TSHZ1: variants seen among roughly 807,000 people sequenced by gnomAD.
TSHZ1 encodes the protein teashirt homolog 1.
TSHZ1 carries 12 observed loss-of-function variants against 67.1 expected under a neutral mutation model. That is an observed-to-expected ratio of 0.18 (90% CI 0.11 to 0.29). The LOEUF is 0.29. TSHZ1 is among the 10% of genes least tolerant of loss of function. TSHZ1 has a pLI of 1.00. For missense variants in TSHZ1, 1,305 were observed against 1,413.9 expected, an observed-to-expected ratio of 0.92 and a Z score of 1.23; for synonymous variants, 632 against 622.4, an observed-to-expected ratio of 1.02 and a Z score of -0.23.
chr18:75,281,252 C>T lies in TSHZ1; in HGVS notation c.41-4196C>T, dbSNP rs116884723. Among the ~76,000 whole-genome samples the T allele has an allele frequency of 0.018, 2,748 of 152,234 alleles. 46 individuals are homozygous for T. Among genetic ancestry groups the T allele is most frequent in the Middle Eastern group, 0.051 (15 of 294 alleles). ...CCAGTTTGGATGCGGGGCCTGAGGA[C>T]CAGGAGGCTTTGAGGATGGCGCTGC... On this transcript the variant is annotated intron_variant, in intron 1 of 1. Coordinates refer to ENST00000580243, the MANE Select transcript of TSHZ1 (RefSeq NM_001308210.2). The surrounding 1 kb of genome is among the most constrained non-coding windows in gnomAD (Gnocchi z 5.3).
rs115433748 is a variant in TSHZ1, at chr18:75,215,487, C to T, written c.40+3571C>T. ...AACTGATATTGAGAAAAAGCTTAAA[C>T]GGTGGATATCTCAAATTTTGTCAAG... is the stretch of plus-strand genomic sequence containing the variant. On this transcript the variant is annotated intron_variant, in intron 1 of 1. Transcript: ENST00000580243. Among the ~76,000 whole-genome samples, 1,494 of 152,226 alleles carry T rather than the reference C, an allele frequency of 9.8e-3. 37 individuals carry two copies. The highest frequency in any genetic ancestry group is 0.035 in the African/African-American group (1,453 of 41,510).
chr18:75,245,163 A>G (rs1161638462), intron 1 of TSHZ1: 1 of 152,230 alleles, frequency 6.6e-6, no homozygotes, highest in African/African-American at 2.4e-5. Flanking sequence ...CAAAAGGACT[A>G]TTGCACAAAT....
At chr18:75,212,945 G>A (rs1447392399) in intron 1 of TSHZ1, among the ~76,000 whole-genome samples, 6 of 152,156 alleles carry the variant, frequency 3.9e-5, no homozygotes, top group Admixed American at 1.3e-4. Context: ...GTGAGTTATC[G>A]CTAAATAATA....
chr18:75,237,590 A>G (rs1453215306), intron 1 of TSHZ1, among the ~76,000 whole-genome samples: 1 of 152,170 alleles, frequency 6.6e-6, no homozygotes, highest in Non-Finnish European at 1.5e-5. Flanking sequence ...ATATATACAC[A>G]CAGGCAAACA....
chr18:75,260,423 T>C (rs971270747), intron 1 of TSHZ1, among the ~76,000 whole-genome samples: 12 of 152,248 alleles, frequency 7.9e-5, no homozygotes, highest in African/African-American at 2.9e-4. Context: ...ACAGTCTTCA[T>C]CTTGTATTCC....
chr18:75,283,784 G>A (rs762271903), intron 1 of TSHZ1: 7 of 152,326 alleles, frequency 4.6e-5, no homozygotes, highest in Non-Finnish European at 8.8e-5. Context: ...GCTGCTGCTA[G>A]AATCTGAAGC....
At chr18:75,266,228 C>G (rs567627670) in intron 1 of TSHZ1, among the ~76,000 whole-genome samples, 5 of 152,158 alleles carry the variant, frequency 3.3e-5, no homozygotes, top group African/African-American at 9.7e-5. Flanking sequence ...ACTTAGCTGT[C>G]GAAGTCAACT....
chr18:75,227,571 G>GT lies in TSHZ1; in HGVS notation c.40+15662dup, dbSNP rs200143864. 4.3e-3 allele frequency among the ~76,000 whole-genome samples: 656 copies of GT among 152,242 alleles called. 2 individuals are homozygous for GT. Among genetic ancestry groups the GT allele is most frequent in the African/African-American group, 0.015 (617 of 41,550 alleles). On this transcript the variant is annotated intron_variant, in intron 1 of 1. Coordinates refer to ENST00000580243, the MANE Select transcript of TSHZ1 (RefSeq NM_001308210.2). ...ATAAAAGCATTTGGCTAAAATAAAT[G>GT]TTTTTTTCTCTTGAAGAGTAGAGTT...
At chr18:75,270,123 G>T (rs73971570) in intron 1 of TSHZ1, among the ~76,000 whole-genome samples, 1 of 152,164 alleles carries the variant, frequency 6.6e-6, no homozygotes, top group Non-Finnish European at 1.5e-5. Context: ...GGCCCATTGC[G>T]GCATTATGAT....
At chr18:75,214,419 G>A (rs2022740364) in intron 1 of TSHZ1, among the ~76,000 whole-genome samples, 2 of 152,200 alleles carry the variant, frequency 1.3e-5, no homozygotes, top group South Asian at 4.1e-4. Flanking sequence ...TGCATTGGTA[G>A]CAAATATTAT....
intron 1 of TSHZ1, among the ~76,000 whole-genome samples, chr18:75,258,174 G>A (rs371295474): frequency 6.6e-6 from 1 of 152,174 alleles, no homozygotes; most frequent in East Asian, 1.9e-4. Flanking sequence ...CCCTTCCTCT[G>A]TGCTCCTCCA....
chr18:75,237,958 C>A (rs147180844), intron 1 of TSHZ1, among the ~76,000 whole-genome samples: 2,256 of 152,100 alleles, frequency 0.015, 18 homozygotes, highest in South Asian at 0.029. Context: ...GATTACAGGC[C>A]TGTGCCACCA....
intron 1 of TSHZ1, among the ~76,000 whole-genome samples, chr18:75,279,068 G>GCCC (rs1233460574): frequency 6.6e-6 from 1 of 152,140 alleles, no homozygotes; most frequent in Non-Finnish European, 1.5e-5. Context: ...CAGCCTCAGG[G>GCCC]CCCCTGGCCT....
At chr18:75,273,996 T>A (rs2023586504) in intron 1 of TSHZ1, among the ~76,000 whole-genome samples, 1 of 152,132 alleles carries the variant, frequency 6.6e-6, no homozygotes, top group Admixed American at 6.5e-5. Context: ...CACACATGCA[T>A]GCGCGTGAAG....
rs143847918 is a variant in TSHZ1 at position 75,285,629 on chromosome 18, C to T, written c.222C>T (p.Tyr74=). Residue 74 remains tyrosine, a synonymous_variant, in exon 2 of 2, where the codon TAC becomes TAT. Transcript: ENST00000580243. ...CTGCGACTAACCAGGACGCCGGCTA[C>T]GGGTCGCCCTTCAGTGAGAGCAGCG... ...VSSATNQDAG[Y]GSPFSESSDQ... The T allele has an allele frequency of 1.1e-5, 17 of 1,613,398 alleles. No homozygotes were observed. Among genetic ancestry groups the T allele is most frequent in the South Asian group, 5.5e-5 (5 of 91,036 alleles).
intron 1 of TSHZ1, among the ~76,000 whole-genome samples, chr18:75,262,851 A>G (rs576831386): frequency 1.3e-5 from 2 of 152,306 alleles, no homozygotes; most frequent in East Asian, 1.9e-4. Context: ...TGCCCTGTAC[A>G]TGGCATTGTG....
intron 1 of TSHZ1, 52 bp from the exon 2 acceptor site, chr18:75,285,396 C>G (rs73482001): frequency 0.31 from 442,561 of 1,412,848 alleles, 71,862 homozygotes; most frequent in Middle Eastern, 0.35. Flanking sequence ...GGGAGGCTGT[C>G]TCTTTGAAGA....
At chr18:75,222,705 A>G (rs1430037426) in intron 1 of TSHZ1, among the ~76,000 whole-genome samples, 1 of 152,170 alleles carries the variant, frequency 6.6e-6, no homozygotes, top group Non-Finnish European at 1.5e-5. Context: ...GTTTAAACCC[A>G]GTTCTCAAAG....
At chr18:75,240,819 C>A (rs1290306505) in intron 1 of TSHZ1, among the ~76,000 whole-genome samples, 6 of 152,188 alleles carry the variant, frequency 3.9e-5, no homozygotes, top group Non-Finnish European at 8.8e-5. Flanking sequence ...AATGTTGCAA[C>A]CATTACAAGA....
Sources: allele counts gnomAD v4.1 joint callset (sites outside exome capture counted in the v4.1 genomes callset), GRCh38; gene constraint gnomAD v4.1.1; non-coding constraint Gnocchi (gnomAD v3.1); transcripts MANE v1.5; gene names NCBI Gene and HGNC (gene_info 2026-07-23, HGNC 2026-07-21).